IMPA2: variants seen among roughly 807,000 people sequenced by gnomAD.
IMPA2 encodes IMP 2.
A neutral mutation model predicts 35.1 loss-of-function variants in IMPA2; 32 were observed. The ratio of observed to expected loss-of-function variants is 0.91; its 90% CI spans 0.69 to 1.23. The LOEUF (loss-of-function observed/expected upper bound fraction) is 1.23, where lower values mean the gene tolerates loss of function less well. Ranked by LOEUF, IMPA2 falls within the 50% of genes most tolerant of loss-of-function variation. IMPA2 has a pLI of 0.00. For synonymous variants in IMPA2, 135 were observed against 160.6 expected (o/e 0.84, Z 1.20); for missense variants, 334 against 387.6 (o/e 0.86, Z 1.16).
chr18:12,005,102 C>T lies in IMPA2; in HGVS notation c.231-4781C>T, dbSNP rs139345597. Among the ~76,000 whole-genome samples, 843 of 152,330 alleles carry T rather than the reference C, an allele frequency of 5.5e-3. 4 individuals carry two copies. Among genetic ancestry groups the T allele is most frequent in the Non-Finnish European group, 9.7e-3 (663 of 68,030 alleles). On this transcript the variant is annotated intron_variant, in intron 2 of 7. Transcript: ENST00000269159. Reference sequence around the variant, plus strand: ...TTCACGCCTCTGCTGGCCTTCACACCGCTGCAGCCACACAGTGCAGAAGCC... The same window carrying T: ...TTCACGCCTCTGCTGGCCTTCACACTGCTGCAGCCACACAGTGCAGAAGCC...
At position 12,009,216 on chromosome 18, in the gene IMPA2, G is replaced by A. The variant is rs1056474683; in HGVS notation, c.231-667G>A. On this transcript the variant is annotated intron_variant, in intron 2 of 7. Transcript: ENST00000269159. ...TGCTTGGATCCAGGAGTTTGAGGCT[G>A]CATGAGCTATGATGATACCACTGCA... 3.9e-5 allele frequency among the ~76,000 whole-genome samples: 6 copies of A among 152,304 alleles called. No individual in the cohort carries two copies. The East Asian group carries it at 1.2e-3, about 29-fold the overall frequency.
intron 1 of IMPA2, among the ~76,000 whole-genome samples, chr18:11,997,064 A>G (rs183205504): frequency 6.4e-4 from 97 of 152,164 alleles, no homozygotes; most frequent in Admixed American, 3.5e-3. Flanking sequence ...TACCACATGA[A>G]CACACACTTA....
chr18:12,001,688 G>A (rs1487555998), intron 2 of IMPA2, among the ~76,000 whole-genome samples: 2 of 152,190 alleles, frequency 1.3e-5, no homozygotes, highest in Non-Finnish European at 1.5e-5. Context: ...GCCAGGGACC[G>A]CCAGACTCCA....
intron 1 of IMPA2, among the ~76,000 whole-genome samples, chr18:11,982,597 C>T (rs1906536540): frequency 6.6e-6 from 1 of 152,164 alleles, no homozygotes; most frequent in Non-Finnish European, 1.5e-5. Flanking sequence ...GAGTTCGAGA[C>T]CAGCCTGACC....
chr18:12,030,037 G>C (rs1350678870), intron 7 of IMPA2, among the ~76,000 whole-genome samples: 3 of 152,226 alleles, frequency 2.0e-5, no homozygotes, highest in Non-Finnish European at 4.4e-5. Context: ...TTCGGGTCTA[G>C]CCCATTGCTT....
intron 5 of IMPA2, among the ~76,000 whole-genome samples, chr18:12,025,019 A>C (rs949827225): frequency 6.6e-6 from 1 of 151,494 alleles, no homozygotes; most frequent in Non-Finnish European, 1.5e-5. Flanking sequence ...TGCCCTAAAA[A>C]CCCCCCATGC....
intron 1 of IMPA2, among the ~76,000 whole-genome samples, chr18:11,987,101 T>C (rs536318342): frequency 6.6e-6 from 1 of 152,208 alleles, no homozygotes; most frequent in South Asian, 2.1e-4. Context: ...TGTGGAGCAG[T>C]GCTTCTCCAG....
chr18:12,028,049 C>G lies in IMPA2; in HGVS notation c.497C>G (p.Ser166Ter). The G allele has an allele frequency of 6.2e-7, 1 of 1,611,674 alleles. No individual in the cohort carries two copies. Among genetic ancestry groups the G allele is most frequent in the East Asian group, 2.2e-5 (1 of 44,878 alleles). Residue 166 changes from serine to a stop codon, truncating the protein, a stop_gained, in exon 6 of 8, where the codon TCA (serine) becomes TGA (stop). Coordinates refer to ENST00000269159, the MANE Select transcript of IMPA2 (RefSeq NM_014214.3). LOFTEE classifies it high-confidence loss of function. ...RLRVSGETDL[S>*]KALVLTEIGP... is the part of the protein sequence containing the mutation. ...GAAATTCTTTTTATTGCAGATCTCT[C>G]AAAGGCCTTGGTTCTGACAGAAATT... is the stretch of plus-strand genomic sequence containing the variant.
chr18:12,008,037 C>G (rs1459703470), intron 2 of IMPA2, among the ~76,000 whole-genome samples: 2 of 152,124 alleles, frequency 1.3e-5, no homozygotes, highest in Non-Finnish European at 2.9e-5. Context: ...TCTCAGCTCA[C>G]TGCAACGTTA....
chr18:11,982,223 A>G (rs976407375), intron 1 of IMPA2, among the ~76,000 whole-genome samples: 2 of 152,280 alleles, frequency 1.3e-5, no homozygotes, highest in African/African-American at 2.4e-5. Context: ...CACACCCTGA[A>G]AGTGGCTCAG....
intron 6 of IMPA2, 74 bp downstream of exon 6, chr18:12,028,225 C>A: frequency 2.0e-6 from 2 of 986,056 alleles, no homozygotes; most frequent in South Asian, 1.3e-5. Flanking sequence ...TAAAACTCCC[C>A]TGGGATTTGA....
In IMPA2 at chr18:12,011,586, C is replaced by T. The variant is rs1907435921; in HGVS notation, c.336-584C>T. 2.0e-5 allele frequency among the ~76,000 whole-genome samples: 3 copies of T among 152,244 alleles called. No homozygotes were observed. The South Asian group carries it at 6.2e-4, about 31-fold the overall frequency. ...GCCTGTTTTTAAGCTCCAGTGATCT[C>T]CCTATAAAGGAAGGATTATTTTGAA... On this transcript the variant is annotated intron_variant, in intron 3 of 7. Transcript: ENST00000269159.
intron 1 of IMPA2, among the ~76,000 whole-genome samples, chr18:11,994,552 G>GT (rs1906906481): frequency 6.6e-6 from 1 of 152,204 alleles, no homozygotes; most frequent in Admixed American, 6.5e-5. Context: ...ACACAGCTGT[G>GT]TATGTTTTGA....
In IMPA2 at chr18:12,030,471, C is replaced by G. The variant is rs776929135; in HGVS notation, c.*13C>G. 7.5e-6 allele frequency: 12 copies of G among 1,608,422 alleles called. No homozygotes were observed. Among genetic ancestry groups the G allele is most frequent in the South Asian group, 2.2e-5 (2 of 90,942 alleles). On this transcript the variant is annotated 3_prime_UTR_variant, in exon 8 of 8. Coordinates refer to ENST00000269159, the MANE Select transcript of IMPA2 (RefSeq NM_014214.3). ...TGATGAGAAGTGACTGCGGCTGAGG[C>G]AAAGCTGCTCCCAAGGCCTCCCTGG...
chr18:12,021,670 C>T (rs1907734545), intron 5 of IMPA2: 1 of 152,210 alleles, frequency 6.6e-6, no homozygotes, highest in South Asian at 2.1e-4. Context: ...GCACACACCA[C>T]CATGCCTGGC....
intron 1 of IMPA2, among the ~76,000 whole-genome samples, chr18:11,985,891 A>G (rs1906651668): frequency 6.6e-6 from 1 of 152,228 alleles, no homozygotes; most frequent in South Asian, 2.1e-4. Flanking sequence ...CACCTGATGC[A>G]AAGTCTGATG....
intron 6 of IMPA2, 73 bp downstream of exon 6, chr18:12,028,224 C>T (rs938158493): frequency 2.6e-5 from 26 of 1,002,424 alleles, no homozygotes; most frequent in Non-Finnish European, 3.8e-5. Flanking sequence ...CTAAAACTCC[C>T]CTGGGATTTG....
chr18:12,028,050 A>G lies in IMPA2; in HGVS notation c.498A>G (p.Ser166=). 1.2e-6 allele frequency: 2 copies of G among 1,611,800 alleles called. No individual in the cohort carries two copies. The highest frequency in any genetic ancestry group is 2.2e-5 in the South Asian group (2 of 91,020). ...AAATTCTTTTTATTGCAGATCTCTCAAAGGCCTTGGTTCTGACAGAAATTG... is the reference window on the plus strand; with the variant it reads ...AAATTCTTTTTATTGCAGATCTCTCGAAGGCCTTGGTTCTGACAGAAATTG... ...RLRVSGETDL[S]KALVLTEIGP... is the part of the protein sequence containing the mutation. The change falls in exon 6 of 8, where the codon TCA becomes TCG. Residue 166 remains serine, a synonymous_variant. Transcript: ENST00000269159.
intron 2 of IMPA2, among the ~76,000 whole-genome samples, chr18:12,003,211 A>C (rs1028862000): frequency 6.6e-6 from 1 of 152,002 alleles, no homozygotes; most frequent in African/African-American, 2.4e-5. Context: ...ATAAAAAATA[A>C]ATAAATAAAA....
Sources: gnomAD v4.1 joint callset for allele counts (sites outside exome capture counted in the v4.1 genomes callset) on GRCh38, gnomAD v4.1.1 for gene constraint, MANE v1.5 for transcripts, NCBI Gene and HGNC (gene_info 2026-07-23, HGNC 2026-07-21) for gene names.